TMEM87A: variants seen among roughly 807,000 people sequenced by gnomAD.
The protein encoded by TMEM87A is Golgi-pH regulating cation channel.
A neutral mutation model predicts 90.0 loss-of-function variants in TMEM87A; 50 were observed. The observed-to-expected ratio is 0.56, with a 90% CI of 0.44 to 0.70. The LOEUF is 0.70. TMEM87A is among the 30% of genes least tolerant of loss of function. The pLI is 0.00. For synonymous variants in TMEM87A, 226 were observed against 226.7 expected (o/e 1.00, Z 0.03); for missense variants, 577 against 660.5 (o/e 0.87, Z 1.39).
intron 12 of TMEM87A, among the ~76,000 whole-genome samples, chr15:42,229,065 C>T (rs748163395): frequency 7.2e-5 from 11 of 151,964 alleles, no homozygotes; most frequent in Non-Finnish European, 1.0e-4. Flanking sequence ...TGCAGTGGCA[C>T]AATCACGGCT....
intron 6 of TMEM87A, chr15:42,258,978 A>G: frequency 1.1e-6 from 1 of 892,600 alleles, no homozygotes; most frequent in South Asian, 1.4e-5. Flanking sequence ...TTCTTCAAGA[A>G]AGGCATCTGA....
intron 2 of TMEM87A, 30 bp from the exon 3 acceptor site, chr15:42,268,062 A>T: frequency 6.3e-7 from 1 of 1,579,486 alleles, no homozygotes; most frequent in Non-Finnish European, 8.7e-7. Context: ...TGTTAACAAA[A>T]GATAATTCCC....
chr15:42,217,000 C>T (rs1289405552), intron 19 of TMEM87A, among the ~76,000 whole-genome samples: 1 of 148,250 alleles, frequency 6.7e-6, no homozygotes. Context: ...CACTCTTTTG[C>T]CCAGGCTGGA....
At chr15:42,215,530 C>A (rs1323932329) in intron 19 of TMEM87A, among the ~76,000 whole-genome samples, 1 of 151,844 alleles carries the variant, frequency 6.6e-6, no homozygotes, top group Non-Finnish European at 1.5e-5. Flanking sequence ...TATAAGAAAC[C>A]CCTACAATTC....
At chr15:42,227,323 T>C (rs2050612740) in intron 14 of TMEM87A, among the ~76,000 whole-genome samples, 1 of 152,188 alleles carries the variant, frequency 6.6e-6, no homozygotes, top group African/African-American at 2.4e-5. Context: ...AATCCTACTG[T>C]CACAGTCGTT....
intron 6 of TMEM87A, among the ~76,000 whole-genome samples, chr15:42,254,981 T>C (rs1432392836): frequency 6.6e-6 from 1 of 150,974 alleles, no homozygotes; most frequent in Non-Finnish European, 1.5e-5. Context: ...TTTTTTTTTT[T>C]TGAGACAGAG....
chr15:42,249,092 C>T (rs2051034950), intron 6 of TMEM87A, among the ~76,000 whole-genome samples: 1 of 152,170 alleles, frequency 6.6e-6, no homozygotes, highest in African/African-American at 2.4e-5. Context: ...ATAGTATTCT[C>T]TGATGGTAGT....
intron 4 of TMEM87A, among the ~76,000 whole-genome samples, chr15:42,261,703 G>A (rs1462400993): frequency 1.4e-5 from 2 of 147,376 alleles, no homozygotes; most frequent in Non-Finnish European, 3.0e-5. Flanking sequence ...GTGTTATCTC[G>A]GCTCACTGCA....
At chr15:42,236,648 G>T (rs538715869) in intron 9 of TMEM87A, among the ~76,000 whole-genome samples, 6 of 152,100 alleles carry the variant, frequency 3.9e-5, no homozygotes, top group Non-Finnish European at 8.8e-5. Context: ...CTCCCTCCCC[G>T]ACCTGGCCCC....
intron 11 of TMEM87A, among the ~76,000 whole-genome samples, chr15:42,232,228 C>T (rs987837774): frequency 2.6e-5 from 4 of 152,048 alleles, no homozygotes; most frequent in Non-Finnish European, 4.4e-5. Flanking sequence ...ACATAAATTT[C>T]TTTTCTCCTC....
chr15:42,260,822 A>C, intron 6 of TMEM87A, 136 bp downstream of exon 6: 1 of 902,546 alleles, frequency 1.1e-6, no homozygotes, highest in Non-Finnish European at 1.6e-6. Flanking sequence ...AACCATTTTT[A>C]ACATTTTGGT....
At chr15:42,246,111 G>A (rs2050967254) in intron 6 of TMEM87A, among the ~76,000 whole-genome samples, 1 of 152,088 alleles carries the variant, frequency 6.6e-6, no homozygotes, top group Admixed American at 6.5e-5. Context: ...TCTCCATGGA[G>A]TCATCTATTA....
intron 7 of TMEM87A, among the ~76,000 whole-genome samples, chr15:42,242,230 T>C (rs1002501658): frequency 6.6e-6 from 1 of 152,010 alleles, no homozygotes; most frequent in Non-Finnish European, 1.5e-5. Flanking sequence ...GCTATGGTAG[T>C]TGGAAGTGCT....
chr15:42,237,680 A>T, intron 8 of TMEM87A, 65 bp from the exon 9 acceptor site: 2 of 1,307,164 alleles, frequency 1.5e-6, no homozygotes, highest in Non-Finnish European at 2.0e-6. Flanking sequence ...CTGTAGATTT[A>T]GAATCAATAT....
At chr15:42,263,590 CA>C (rs1360305012) in intron 4 of TMEM87A, among the ~76,000 whole-genome samples, 2 of 151,666 alleles carry the variant, frequency 1.3e-5, no homozygotes, top group African/African-American at 2.4e-5. Context: ...ACAGAAAATA[CA>C]AAAAAAATTA....
In TMEM87A at chr15:42,220,549, A is replaced by G. The variant is rs2050459897; in HGVS notation, c.1404-414T>C. 2.0e-5 allele frequency among the ~76,000 whole-genome samples: 3 copies of G among 152,368 alleles called. No homozygotes were observed. The South Asian group carries it at 6.2e-4, about 32-fold the overall frequency. ...GTTCATTCATAAGGATATGTATCAA[A>G]TAGAGTTAAGTAAATTCTCATCTAA... On this transcript the variant is annotated intron_variant, in intron 15 of 19. Transcript: ENST00000389834.
intron 15 of TMEM87A, among the ~76,000 whole-genome samples, chr15:42,224,158 G>C (rs1227572435): frequency 6.6e-6 from 1 of 152,168 alleles, no homozygotes; most frequent in Non-Finnish European, 1.5e-5. Context: ...TAGGGGCTTT[G>C]GGCCATGCCA....
In TMEM87A at chr15:42,228,746, C is replaced by A; in HGVS notation, c.1206G>T (p.Arg402=). Reference sequence around the variant, plus strand: ...CCAAAATAAGCGTGTTGGTGAAATGCCGATACAAAGAGAGTTTTACAATGT... The same window carrying A: ...CCAAAATAAGCGTGTTGGTGAAATGACGATACAAAGAGAGTTTTACAATGT... ...RRNIVKLSLY[R]HFTNTLILAV... is the part of the protein sequence containing the mutation. The change falls in exon 13 of 20, where the codon CGG becomes CGT. Residue 402 remains arginine, a synonymous_variant. Transcript: ENST00000389834. 6.2e-7 allele frequency: 1 copy of A among 1,610,762 alleles called. No individual in the cohort carries two copies. The highest frequency in any genetic ancestry group is 1.1e-5 in the South Asian group (1 of 90,218).
chr15:42,272,731 C>T, intron 1 of TMEM87A: 1 of 328,672 alleles, frequency 3.0e-6, no homozygotes, highest in South Asian at 2.4e-5. Flanking sequence ...TGTTAAAACA[C>T]ATTTCTTAAA....
Sources: allele counts gnomAD v4.1 joint callset (sites outside exome capture counted in the v4.1 genomes callset), GRCh38; gene constraint gnomAD v4.1.1; transcripts MANE v1.5; gene names NCBI Gene and HGNC (gene_info 2026-07-23, HGNC 2026-07-21).